AXL: variants seen among roughly 807,000 people sequenced by gnomAD.
AXL encodes tyrosine-protein kinase receptor UFO.
Under a neutral mutation model 104.5 loss-of-function variants are expected in AXL, and 52 were observed. The ratio of observed to expected loss-of-function variants is 0.50; its 90% CI spans 0.40 to 0.63. The LOEUF (loss-of-function observed/expected upper bound fraction) is 0.63. Among genes scored for constraint, AXL ranks in the 20% least tolerant of loss-of-function variants. The pLI, the probability that AXL is intolerant of heterozygous loss-of-function variation, is 0.00. For missense variants in AXL, 1,024 were observed against 1,188.5 expected, an observed-to-expected ratio of 0.86 and a Z score of 2.04; for synonymous variants, 455 against 473.7, an observed-to-expected ratio of 0.96 and a Z score of 0.51.
At position 41,242,855 on chromosome 19, in the gene AXL, A is replaced by G. The variant is rs374668871; in HGVS notation, c.1313-28A>G. 1.1e-5 allele frequency: 17 copies of G among 1,613,786 alleles called. No individual in the cohort carries two copies. In the African/African-American group the frequency reaches 1.1e-4, roughly 10 times the overall value. On this transcript the variant is annotated intron_variant, in intron 10 of 19. Coordinates refer to ENST00000301178, the MANE Select transcript of AXL (RefSeq NM_021913.5). ...GAGAGCTGGATCCAAGGCTTCATCC[A>G]TGACCTGTTCCTCATACCCCCTGAT...
intron 5 of AXL, 40 bp from the exon 6 acceptor site, chr19:41,231,143 C>G: frequency 6.2e-7 from 1 of 1,608,706 alleles, no homozygotes; most frequent in South Asian, 1.1e-5. Context: ...GAGCTTTGAG[C>G]AAAGGCTCCC....
Position 41,261,138 on chromosome 19 carries a change from G to A in AXL, c.*1234G>A, listed in dbSNP as rs144503779. 16 of 152,476 alleles carry A rather than the reference G, an allele frequency of 1.0e-4. No individual in the cohort carries two copies. Among genetic ancestry groups the A allele is most frequent in the African/African-American group, 3.6e-4 (15 of 41,540 alleles). The allele number at this position is 152,476 out of a possible 1,614,324, so 9.4% of individuals were successfully genotyped here. On this transcript the variant is annotated 3_prime_UTR_variant, in exon 20 of 20. Coordinates refer to ENST00000301178, the MANE Select transcript of AXL (RefSeq NM_021913.5). ...CTTACTCTAAGATCTTAGATTCTCT[G>A]TGTCTAAGATTCTAGATCAGATGCT...
At chr19:41,255,340 T>C (rs1029608826) in intron 17 of AXL, among the ~76,000 whole-genome samples, 1 of 149,470 alleles carries the variant, frequency 6.7e-6, no homozygotes, top group Admixed American at 6.7e-5. Context: ...TTTTTCTCTC[T>C]GTCCTTTCTT....
At chr19:41,231,949 C>A (rs12973061) in intron 6 of AXL, among the ~76,000 whole-genome samples, 47,389 of 146,296 alleles carry the variant, frequency 0.32, 8,247 homozygotes, top group Non-Finnish European at 0.39. Context: ...GAAACAACAA[C>A]AAAAAAAATT....
chr19:41,237,954 C>T lies in AXL; in HGVS notation c.794C>T (p.Ser265Leu). 6.2e-7 allele frequency: 1 copy of T among 1,613,962 alleles called. No individual in the cohort carries two copies. Among genetic ancestry groups the T allele is most frequent in the Non-Finnish European group, 8.5e-7 (1 of 1,179,936 alleles). The change falls in exon 7 of 20, where the codon TCA becomes TTA. Residue 265 changes from serine (S) to leucine (L), a missense_variant. This residue lies in a region of AXL where 332 missense variants were observed against 343.9 expected (regional missense o/e 0.97). Coordinates refer to ENST00000301178, the MANE Select transcript of AXL (RefSeq NM_021913.5). ...CTTGCCTCTCCTCAGGCTGTGCTGT[C>T]AGACGATGGGATGGGCATCCAGGCG... is the stretch of plus-strand genomic sequence containing the variant. ...LTHCTLQAVL[S>L]DDGMGIQAGE...
At chr19:41,234,000 G>C (rs1298854132) in intron 6 of AXL, among the ~76,000 whole-genome samples, 2 of 151,980 alleles carry the variant, frequency 1.3e-5, no homozygotes, top group Admixed American at 6.5e-5. Context: ...GAGACCAACT[G>C]TCTGTACCCA....
intron 4 of AXL, among the ~76,000 whole-genome samples, chr19:41,222,473 G>A (rs1289723452): frequency 1.3e-5 from 2 of 152,094 alleles, no homozygotes; most frequent in South Asian, 2.1e-4. Context: ...GGAATCAACC[G>A]TGCCCTCCTC....
chr19:41,255,376 CTT>C (rs894628406), intron 17 of AXL, among the ~76,000 whole-genome samples: 3 of 147,136 alleles, frequency 2.0e-5, no homozygotes, highest in South Asian at 2.1e-4. Flanking sequence ...CTTTCTCTCT[CTT>C]TATCTCCTTC....
rs869213717 is a variant in AXL at position 41,260,298 on chromosome 19, C to CTTTTTTTTTTTTTTTTTTTTTTTTTT, written c.*400_*425dup. 4.1e-5 allele frequency: 2 copies of CTTTTTTTTTTTTTTTTTTTTTTTTTT among 48,572 alleles called. No homozygotes were observed. The highest frequency in any genetic ancestry group is 1.7e-4 in the African/African-American group (2 of 11,730). 3.0% of individuals were successfully genotyped at this position (48,572 alleles called of 1,614,324 possible). On this transcript the variant is annotated 3_prime_UTR_variant, in exon 20 of 20. Transcript: ENST00000301178. ...TAAAGTGCTAAGGTTCTAAGGCCTACTTTTTTTTTTTTTTTTTTTTTTTTT... is the reference window on the plus strand; with the variant it reads ...TAAAGTGCTAAGGTTCTAAGGCCTACTTTTTTTTTTTTTTTTTTTTTTTTTTTTTTTTTTTTTTTTTTTTTTTTTTT...
chr19:41,227,165 G>A (rs1232062314), intron 4 of AXL, among the ~76,000 whole-genome samples: 1 of 152,060 alleles, frequency 6.6e-6, no homozygotes, highest in Non-Finnish European at 1.5e-5. Flanking sequence ...TGTGCTGGGG[G>A]AGGGGGGTGT....
chr19:41,248,420 T>C (rs2034305535), intron 12 of AXL, 94 bp from the exon 13 acceptor site: 4 of 1,195,182 alleles, frequency 3.3e-6, no homozygotes, highest in Non-Finnish European at 3.7e-6. Flanking sequence ...AGTATGTCAG[T>C]GTTTCAACAA....
At position 41,238,364 on chromosome 19, in the gene AXL, G is replaced by A. The variant is rs1320326126; in HGVS notation, c.995-106G>A. ...TTCCTCTCATGGGAGGCCTGCACGA[G>A]TTGCCCACGTGTGTGCCCTTGGCAC... is the stretch of plus-strand genomic sequence containing the variant. On this transcript the variant is annotated intron_variant, in intron 7 of 19. Coordinates refer to ENST00000301178, the MANE Select transcript of AXL (RefSeq NM_021913.5). 13 of 1,541,596 alleles carry A rather than the reference G, an allele frequency of 8.4e-6. No homozygotes were observed. In the Admixed American group the frequency reaches 2.4e-4, roughly 29 times the overall value.
chr19:41,230,159 G>T (rs373304721), intron 4 of AXL, among the ~76,000 whole-genome samples: 2,023 of 108,882 alleles, frequency 0.019, 40 homozygotes, highest in African/African-American at 0.064. Flanking sequence ...CTGTTTCTGT[G>T]TCTGTGTCTG....
At chr19:41,254,387 AAAAAAAG>A (rs1240689555) in intron 17 of AXL, among the ~76,000 whole-genome samples, 1 of 150,650 alleles carries the variant, frequency 6.6e-6, no homozygotes, top group East Asian at 1.9e-4. Context: ...AAAAAAAAAA[AAAAAAAG>A]AAAGAAAGAA....
chr19:41,257,867 C>T (rs1309030499), intron 19 of AXL, among the ~76,000 whole-genome samples: 1 of 152,254 alleles, frequency 6.6e-6, no homozygotes, highest in Non-Finnish European at 1.5e-5. Flanking sequence ...CCCCCTGGCT[C>T]CCCACCCCCA....
At chr19:41,236,402 C>T (rs1397762657) in intron 6 of AXL, among the ~76,000 whole-genome samples, 7 of 150,410 alleles carry the variant, frequency 4.7e-5, no homozygotes, top group African/African-American at 7.3e-5. Context: ...CTTGGGAGGC[C>T]GAGGCATGAG....
chr19:41,230,528 G>A (rs2033963748), intron 4 of AXL, among the ~76,000 whole-genome samples: 2 of 147,602 alleles, frequency 1.4e-5, no homozygotes, highest in Non-Finnish European at 3.0e-5. Context: ...GTCTTTGTGT[G>A]TGTCTGTGTC....
At chr19:41,229,685 G>A (rs2033942349) in intron 4 of AXL, among the ~76,000 whole-genome samples, 1 of 152,212 alleles carries the variant, frequency 6.6e-6, no homozygotes, top group South Asian at 2.1e-4. Context: ...TTGAGCACAG[G>A]GAACAGTGCA....
intron 8 of AXL, 80 bp from the exon 9 acceptor site, chr19:41,239,084 A>T: frequency 6.5e-7 from 1 of 1,528,168 alleles, no homozygotes; most frequent in Non-Finnish European, 8.9e-7. Context: ...TGAGAAAGAG[A>T]TGGGGCATTG....
Sources: allele counts gnomAD v4.1 joint callset (sites outside exome capture counted in the v4.1 genomes callset), GRCh38; gene constraint gnomAD v4.1.1; regional missense constraint gnomAD v4.1.1; transcripts MANE v1.5; gene names NCBI Gene and HGNC (gene_info 2026-07-23, HGNC 2026-07-21).